Variants in RAP1GAP observed in about 807,000 individuals in gnomAD.
RAP1GAP encodes rap1 GTPase-activating protein 1.
A neutral mutation model predicts 87.2 loss-of-function variants in RAP1GAP; 35 were observed. The ratio of observed to expected loss-of-function variants is 0.40; its 90% CI spans 0.31 to 0.53. The LOEUF is 0.53. Ranked by LOEUF, RAP1GAP falls within the 20% of genes least tolerant of loss-of-function variation. RAP1GAP has a pLI of 0.48. For missense variants in RAP1GAP, 734 were observed against 898.9 expected (o/e 0.82, Z 2.35); for synonymous variants, 375 against 363.9 (o/e 1.03, Z -0.35).
intron 2 of RAP1GAP, among the ~76,000 whole-genome samples, chr1:21,646,220 A>G (rs2096046007): frequency 6.6e-6 from 1 of 152,206 alleles, no homozygotes; most frequent in South Asian, 2.1e-4. Flanking sequence ...GTCAAGAGGA[A>G]ACATCTCAGC....
intron 11 of RAP1GAP, 104 bp downstream of exon 11, chr1:21,611,922 C>T (rs1176648995): frequency 7.4e-6 from 11 of 1,485,276 alleles, no homozygotes; most frequent in Non-Finnish European, 9.3e-6. Context: ...TCTGGCAGCC[C>T]CTGGGCTCCT....
intron 1 of RAP1GAP, among the ~76,000 whole-genome samples, chr1:21,665,664 G>C (rs529745938): frequency 6.6e-6 from 1 of 152,314 alleles, no homozygotes; most frequent in East Asian, 1.9e-4. Flanking sequence ...TGACAGTGCT[G>C]GTCTTTAGCC....
chr1:21,613,072 G>C lies in RAP1GAP; in HGVS notation c.528+104C>G, dbSNP rs893245492. On this transcript the variant is annotated intron_variant, in intron 10 of 24. Transcript: ENST00000374765. The surrounding 1 kb of genome is among the most constrained non-coding windows in gnomAD (Gnocchi z 4.7). The stretch of plus-strand genomic sequence containing the variant: ...CAGGGTTATTGTGAGGATTAAATGA[G>C]AGAACCTTGGGAAAGTATCTGGCAC... The C allele has an allele frequency of 2.4e-6, 3 of 1,259,744 alleles. No individual in the cohort carries two copies. The highest frequency in any genetic ancestry group is 3.0e-5 in the African/African-American group (2 of 67,286). The allele number at this position is 1,259,744 out of a possible 1,614,324, so 78.0% of individuals were successfully genotyped here.
rs192871567 is a variant in RAP1GAP, at chr1:21,645,556, G to A, written c.-113+4205C>T. On this transcript the variant is annotated intron_variant, in intron 2 of 24. Coordinates refer to ENST00000374765, the MANE Select transcript of RAP1GAP (RefSeq NM_002885.4). The stretch of plus-strand genomic sequence containing the variant: ...TAGGATAGCCAGGCTAATGAGCTGG[G>A]GACTAGCATCCATGCCCCTGTCCCC... Among the ~76,000 whole-genome samples the A allele has an allele frequency of 4.7e-4, 71 of 152,334 alleles. No individual in the cohort carries two copies. In the East Asian group the frequency reaches 7.5e-3, roughly 16 times the overall value.
intron 22 of RAP1GAP, 132 bp downstream of exon 22, chr1:21,598,268 G>A: frequency 1.0e-5 from 9 of 899,104 alleles, no homozygotes; most frequent in South Asian, 9.6e-5. Context: ...ACAATGACCT[G>A]CCCGCTGTCC....
rs772839367 is a variant in RAP1GAP at position 21,614,016 on chromosome 1, C to A, written c.365G>T (p.Gly122Val). 1 of 1,612,530 alleles carries A rather than the reference C, an allele frequency of 6.2e-7. No individual in the cohort carries two copies. The highest frequency in any genetic ancestry group is 8.5e-7 in the Non-Finnish European group (1 of 1,179,094). Residue 122 changes from glycine (G) to valine (V), a missense_variant, in exon 8 of 25, where the codon GGG (glycine) becomes GTG (valine). Physicochemically the swap from Gly to Val is moderately radical, Grantham distance 109 (BLOSUM62 -3). Around this residue, in one of 2 missense-constraint regions of RAP1GAP, gnomAD observed 485 missense variants for 646.2 expected, o/e 0.75. Coordinates refer to ENST00000374765, the MANE Select transcript of RAP1GAP (RefSeq NM_002885.4). Reference protein sequence around the residue: ...LVFSLKYDVIGDQEHLRLLLR... With the variant: ...LVFSLKYDVIVDQEHLRLLLR... ...CAGCAGCCGCAGGTGCTCTTGGTCCCCGATGACATCGTACTTGAGTGAGAA... is the reference window on the plus strand; with the variant it reads ...CAGCAGCCGCAGGTGCTCTTGGTCCACGATGACATCGTACTTGAGTGAGAA...
At position 21,669,116 on chromosome 1, in the gene RAP1GAP, C is replaced by T; in HGVS notation, c.-149+138G>A. On this transcript the variant is annotated intron_variant, in intron 1 of 24. Transcript: ENST00000374765. This position sits in a 1 kb window ranked among gnomAD's most constrained non-coding sequence, Gnocchi z 5.6. Reference sequence around the variant, plus strand: ...TGCGCCCACCCCTCGCCCCTGGAGACCCGGGTCCCCCACGCGTTCGCCCCC... The same window carrying T: ...TGCGCCCACCCCTCGCCCCTGGAGATCCGGGTCCCCCACGCGTTCGCCCCC... 1 of 977,464 alleles carries T rather than the reference C, an allele frequency of 1.0e-6. No individual in the cohort carries two copies. The highest frequency in any genetic ancestry group is 1.3e-6 in the Non-Finnish European group (1 of 769,430). The allele number at this position is 977,464 out of a possible 1,614,324, so 60.5% of individuals were successfully genotyped here.
intron 5 of RAP1GAP, among the ~76,000 whole-genome samples, chr1:21,618,411 C>CA (rs2083826695): frequency 6.6e-6 from 1 of 152,332 alleles, no homozygotes; most frequent in South Asian, 2.1e-4. Context: ...CCCACTCCAC[C>CA]AGGCCTGGTC....
At chr1:21,607,921 C>T (rs2075783530) in intron 17 of RAP1GAP, among the ~76,000 whole-genome samples, 1 of 151,676 alleles carries the variant, frequency 6.6e-6, no homozygotes, top group South Asian at 2.1e-4. Flanking sequence ...CGTCCCATCC[C>T]AGACTCTACC....
At chr1:21,663,707 C>A (rs1000720141) in intron 1 of RAP1GAP, among the ~76,000 whole-genome samples, 1 of 152,152 alleles carries the variant, frequency 6.6e-6, no homozygotes, top group African/African-American at 2.4e-5. Context: ...AAGCAGAGGG[C>A]TGGACCCATC....
rs753992704 is a variant in RAP1GAP at position 21,665,201 on chromosome 1, A to G, written c.-149+4053T>C. On this transcript the variant is annotated intron_variant, in intron 1 of 24. Coordinates refer to ENST00000374765, the MANE Select transcript of RAP1GAP (RefSeq NM_002885.4). ...TCAAGAAACAGACTCAGAGGGAGAG[A>G]GGAACTCACCAAAAGTTGTACGGCT... The G allele has an allele frequency of 3.5e-5, 18 of 507,370 alleles. No individual in the cohort carries two copies. The Admixed American group carries it at 3.6e-4, about 10-fold the overall frequency. The allele number at this position is 507,370 out of a possible 1,614,324, so 31.4% of individuals were successfully genotyped here. A position where few individuals can be genotyped will look rare whatever the true frequency, so the allele number is the denominator to read the frequency against.
At chr1:21,601,414 T>G (rs1322657116) in intron 20 of RAP1GAP, among the ~76,000 whole-genome samples, 2 of 152,154 alleles carry the variant, frequency 1.3e-5, no homozygotes, top group Admixed American at 1.3e-4. Context: ...GGCAACAGCC[T>G]ATGAGGCCGC....
Position 21,651,757 on chromosome 1 carries a change from C to CCCGCG in RAP1GAP, c.-148-1966_-148-1962dup, listed in dbSNP as rs927710473. The CCCGCG allele has an allele frequency of 8.1e-5, 118 of 1,457,470 alleles. No individual in the cohort carries two copies. In the African/African-American group the frequency reaches 1.5e-3, roughly 19 times the overall value. 90.3% of individuals were successfully genotyped at this position (1,457,470 alleles called of 1,614,324 possible). A position where few individuals can be genotyped will look rare whatever the true frequency, so the allele number is the denominator to read the frequency against. On this transcript the variant is annotated intron_variant, in intron 1 of 24. Coordinates refer to ENST00000374765, the MANE Select transcript of RAP1GAP (RefSeq NM_002885.4). The stretch of plus-strand genomic sequence containing the variant: ...ACGCACACGCGCGCACGCGCCCCGC[C>CCCGCG]CCGCGCCGCGCCACGCCCTACCCGC...
rs1324826778 is a variant in RAP1GAP, at chr1:21,668,917, C to A, written c.-149+337G>T. Among the ~76,000 whole-genome samples the A allele has an allele frequency of 2.0e-5, 3 of 151,796 alleles. No individual in the cohort carries two copies. The highest frequency in any genetic ancestry group is 7.2e-5 in the African/African-American group (3 of 41,380). Reference sequence around the variant, plus strand: ...CAGTCCCTCCTCTAAACCCCAGGCGCCCCCACCTCGAGGTGGGCGGAAAAC... The same window carrying A: ...CAGTCCCTCCTCTAAACCCCAGGCGACCCCACCTCGAGGTGGGCGGAAAAC... On this transcript the variant is annotated intron_variant, in intron 1 of 24. Coordinates refer to ENST00000374765, the MANE Select transcript of RAP1GAP (RefSeq NM_002885.4). This position sits in a 1 kb window ranked among gnomAD's most constrained non-coding sequence, Gnocchi z 6.2.
rs2081333889 is a variant in RAP1GAP at position 21,615,344 on chromosome 1, G to A, written c.292-1255C>T. On this transcript the variant is annotated intron_variant, in intron 7 of 24. Coordinates refer to ENST00000374765, the MANE Select transcript of RAP1GAP (RefSeq NM_002885.4). The surrounding 1 kb of genome is among the most constrained non-coding windows in gnomAD (Gnocchi z 4.5). ...AGGAAGGGGCCCTGCCATTCTGCCA[G>A]CCCTGGGGCTTCTCCCTCATTACTG... Among the ~76,000 whole-genome samples the A allele has an allele frequency of 6.6e-6, 1 of 151,934 alleles. No individual in the cohort carries two copies. The highest frequency in any genetic ancestry group is 2.4e-5 in the African/African-American group (1 of 41,368).
At chr1:21,649,012 G>A (rs894103407) in intron 2 of RAP1GAP, among the ~76,000 whole-genome samples, 3 of 152,286 alleles carry the variant, frequency 2.0e-5, no homozygotes, top group East Asian at 1.9e-4. Context: ...AGCCAGAGCC[G>A]TCGGGGGGCT....
intron 2 of RAP1GAP, among the ~76,000 whole-genome samples, chr1:21,638,787 C>T (rs2095213392): frequency 6.6e-6 from 1 of 152,198 alleles, no homozygotes. Context: ...TCCCTGAGCA[C>T]CTGACTGCTT....
At chr1:21,658,127 CG>C (rs916339329) in intron 1 of RAP1GAP, among the ~76,000 whole-genome samples, 24 of 152,132 alleles carry the variant, frequency 1.6e-4, no homozygotes, top group African/African-American at 5.3e-4. Flanking sequence ...GTAAAAAGCC[CG>C]GGTAACCCAT....
At chr1:21,640,741 G>C (rs1395614138) in intron 2 of RAP1GAP, among the ~76,000 whole-genome samples, 1 of 152,120 alleles carries the variant, frequency 6.6e-6, no homozygotes, top group African/African-American at 2.4e-5. Flanking sequence ...CCAGGCTGGA[G>C]GCCTGACTCT....
Sources: gnomAD v4.1 joint callset for allele counts (sites outside exome capture counted in the v4.1 genomes callset) on GRCh38, gnomAD v4.1.1 for gene constraint, gnomAD v4.1.1 regional missense constraint, Gnocchi (gnomAD v3.1) non-coding constraint, MANE v1.5 for transcripts, NCBI Gene and HGNC (gene_info 2026-07-23, HGNC 2026-07-21) for gene names.